NME9: variants seen among roughly 807,000 people sequenced by gnomAD.
NME9 encodes the protein NME/NM23 family member 9.
A neutral mutation model predicts 44.4 loss-of-function variants in NME9; 48 were observed. The observed-to-expected ratio is 1.08, with a 90% CI of 0.86 to 1.37. NME9 has a LOEUF of 1.37. NME9 is among the 40% of genes most tolerant of loss of function. NME9 has a pLI of 0.00. For synonymous variants in NME9, 139 were observed against 147.1 expected (o/e 0.94, Z 0.40); for missense variants, 325 against 405.2 (o/e 0.80, Z 1.70).
At chr3:138,263,759 G>T in intron 8 of NME9, 1 of 1,613,978 alleles carries the variant, frequency 6.2e-7, no homozygotes. Flanking sequence ...CTGAAAATAT[G>T]ATGGACCGAA....
intron 8 of NME9, chr3:138,267,130 G>A (rs761891424): frequency 1.2e-5 from 15 of 1,215,666 alleles, no homozygotes; most frequent in Admixed American, 2.3e-5. Context: ...CAAATCATTA[G>A]TAGTATCCTT....
At chr3:138,289,020 A>AT (rs539158545) in intron 8 of NME9, 715 of 1,562,528 alleles carry the variant, frequency 4.6e-4, no homozygotes, top group African/African-American at 5.7e-4. Context: ...CACCATTTTG[A>AT]TTTTTTTTTC....
Position 138,285,354 on chromosome 3 carries a change from C to T in NME9, c.745+18153G>A, listed in dbSNP as rs926674803. ...TCCTTGTTATACCTTGAATAAAGTT[C>T]GTATGCCTTTATGATGGCCTGTCAA... is the stretch of plus-strand genomic sequence containing the variant. On this transcript the variant is annotated intron_variant, in intron 8 of 8. Coordinates refer to the NME9 transcript ENST00000317876. Among the ~76,000 whole-genome samples, 5 of 152,286 alleles carry T rather than the reference C, an allele frequency of 3.3e-5. No individual in the cohort carries two copies. In the South Asian group the frequency reaches 6.2e-4, roughly 19 times the overall value.
At chr3:138,263,922 C>T (rs2108265466) in intron 8 of NME9, 2 of 1,162,050 alleles carry the variant, frequency 1.7e-6, no homozygotes, top group South Asian at 2.5e-5. Context: ...AAATGTTCCT[C>T]AAAAATCTGC....
Position 138,287,470 on chromosome 3 carries a change from T to C in NME9, c.745+16037A>G, listed in dbSNP as rs942487877. ...CCCCTCCACCCTCCAATTTTCTCTATCCTCATAGTAATTTGTGTCCTTAAA... is the reference window on the plus strand; with the variant it reads ...CCCCTCCACCCTCCAATTTTCTCTACCCTCATAGTAATTTGTGTCCTTAAA... On this transcript the variant is annotated intron_variant, in intron 8 of 8. Transcript: ENST00000317876. 3.4e-4 allele frequency among the ~76,000 whole-genome samples: 51 copies of C among 152,124 alleles called. 1 individual carries two copies. The highest frequency in any genetic ancestry group is 7.4e-5 in the Non-Finnish European group (5 of 68,016).
At chr3:138,263,092 A>G (rs900105000) in intron 8 of NME9, among the ~76,000 whole-genome samples, 7 of 152,244 alleles carry the variant, frequency 4.6e-5, no homozygotes, top group Admixed American at 1.3e-4. Flanking sequence ...CTGTTTTTCA[A>G]TAGGCCCACA....
chr3:138,328,820 T>C (rs957843011), intron 1 of NME9, among the ~76,000 whole-genome samples: 4 of 148,814 alleles, frequency 2.7e-5, no homozygotes, highest in African/African-American at 1.0e-4. Context: ...TCAAAACATA[T>C]TTGTTAATAA....
chr3:138,305,928 G>A, intron 8 of NME9, 76 bp downstream of exon 8: 1 of 973,828 alleles, frequency 1.0e-6, no homozygotes, highest in Non-Finnish European at 1.6e-6. Flanking sequence ...GTCACAAACT[G>A]ATATCAATCT....
intron 8 of NME9, chr3:138,270,222 G>A: frequency 9.5e-7 from 1 of 1,051,854 alleles, no homozygotes; most frequent in Non-Finnish European, 1.4e-6. Context: ...TGAAATGTCT[G>A]GAATTTTCTT....
intron 8 of NME9, among the ~76,000 whole-genome samples, chr3:138,287,418 G>T (rs1041698750): frequency 6.6e-6 from 1 of 152,036 alleles, no homozygotes; most frequent in African/African-American, 2.4e-5. Context: ...GATCTGTTTT[G>T]TGCATTCCAC....
At chr3:138,263,345 A>G (rs2047938465) in intron 8 of NME9, among the ~76,000 whole-genome samples, 1 of 152,202 alleles carries the variant, frequency 6.6e-6, no homozygotes, top group South Asian at 2.1e-4. Flanking sequence ...TCATTTTGTG[A>G]GGGCTGAGCA....
At chr3:138,276,066 A>C (rs909375929) in intron 8 of NME9, among the ~76,000 whole-genome samples, 3 of 152,220 alleles carry the variant, frequency 2.0e-5, no homozygotes, top group African/African-American at 7.2e-5. Flanking sequence ...AAGCGAAGCA[A>C]GACAGAAAGG....
At chr3:138,267,333 G>A in intron 8 of NME9, 2 of 750,474 alleles carry the variant, frequency 2.7e-6, no homozygotes, top group Non-Finnish European at 4.1e-6. Flanking sequence ...AAATCTGTGG[G>A]TTGGGTTTAA....
intron 2 of NME9, 121 bp downstream of exon 2, chr3:138,324,752 T>C: frequency 1.3e-6 from 1 of 760,424 alleles, no homozygotes; most frequent in Admixed American, 2.0e-5. Context: ...CACCTGGTTT[T>C]TTATGAGGCT....
chr3:138,274,821 C>T (rs2049122497), intron 8 of NME9, among the ~76,000 whole-genome samples: 1 of 152,166 alleles, frequency 6.6e-6, no homozygotes, highest in South Asian at 2.1e-4. Context: ...CTTTCATCAT[C>T]CTGGAATGAA....
chr3:138,302,108 C>CT (rs2051889308), intron 10 of NME9, among the ~76,000 whole-genome samples: 1 of 152,150 alleles, frequency 6.6e-6, no homozygotes, highest in Non-Finnish European at 1.5e-5. Context: ...CCGGGATTGT[C>CT]TATCACCTTG....
intron 8 of NME9, among the ~76,000 whole-genome samples, chr3:138,279,479 A>G (rs2049655006): frequency 6.6e-6 from 1 of 152,180 alleles, no homozygotes; most frequent in Non-Finnish European, 1.5e-5. Context: ...TCACATCTAT[A>G]TTCATGAGGG....
chr3:138,315,133 A>C (rs2052978865), intron 5 of NME9, among the ~76,000 whole-genome samples: 2 of 152,214 alleles, frequency 1.3e-5, no homozygotes, highest in Non-Finnish European at 2.9e-5. Context: ...TGAGTTCACA[A>C]GTAAAACCTT....
chr3:138,263,360 CTG>C (rs989780171), intron 8 of NME9, among the ~76,000 whole-genome samples: 2 of 152,216 alleles, frequency 1.3e-5, no homozygotes, highest in African/African-American at 2.4e-5. Context: ...TGAGCATGGA[CTG>C]TGATTTCTTT....
Sources: gnomAD v4.1 joint callset for allele counts (sites outside exome capture counted in the v4.1 genomes callset) on GRCh38, gnomAD v4.1.1 for gene constraint, MANE v1.5 for transcripts, NCBI Gene and HGNC (gene_info 2026-07-23, HGNC 2026-07-21) for gene names.